Variants in TBL1X observed in about 807,000 individuals in gnomAD.
TBL1X encodes the protein transducin beta like 1 X-linked.
A neutral mutation model predicts 50.7 loss-of-function variants in TBL1X; 10 were observed. The ratio of observed to expected loss-of-function variants is 0.20; its 90% CI spans 0.12 to 0.33. The LOEUF (loss-of-function observed/expected upper bound fraction) is 0.33. TBL1X is among the 10% of genes least tolerant of loss of function. The pLI, the probability that TBL1X is intolerant of heterozygous loss-of-function variation, is 1.00. For synonymous variants in TBL1X, 190 were observed against 214.7 expected, an observed-to-expected ratio of 0.88 and a Z score of 1.01; for missense variants, 340 against 504.4, an observed-to-expected ratio of 0.67 and a Z score of 3.12.
intron 2 of TBL1X, among the ~76,000 whole-genome samples, chrX:9,566,572 A>T (rs983602520): frequency 8.9e-6 from 1 of 112,304 alleles, no homozygotes; most frequent in South Asian, 3.7e-4. Flanking sequence ...AAAAGGGATC[A>T]GGAGGAAACT....
At chrX:9,575,430 A>G (rs5934650) in intron 2 of TBL1X, among the ~76,000 whole-genome samples, 14,365 of 110,850 alleles carry the variant, frequency 0.13, 1,033 homozygotes, top group African/African-American at 0.27. Context: ...GCATTTCCCT[A>G]TTCTGACATT....
intron 2 of TBL1X, among the ~76,000 whole-genome samples, chrX:9,575,559 T>G (rs1280869987): frequency 8.9e-6 from 1 of 112,195 alleles, no homozygotes; most frequent in Non-Finnish European, 1.9e-5. Flanking sequence ...ATAGCCAGAT[T>G]ATACTATCTG....
intron 2 of TBL1X, among the ~76,000 whole-genome samples, chrX:9,546,325 T>C (rs1212240646): frequency 1.8e-5 from 2 of 111,703 alleles, no homozygotes; most frequent in Admixed American, 9.5e-5. Flanking sequence ...CCATCCTGGC[T>C]AACACAGTGA....
chrX:9,643,633 C>T (rs1167127999), intron 3 of TBL1X, among the ~76,000 whole-genome samples: 1 of 111,785 alleles, frequency 8.9e-6, no homozygotes, highest in Non-Finnish European at 1.9e-5. Flanking sequence ...AGGAGGATCA[C>T]TTGAGGCCGG....
At chrX:9,610,948 C>T (rs939392633) in intron 2 of TBL1X, among the ~76,000 whole-genome samples, 9 of 111,871 alleles carry the variant, frequency 8.0e-5, no homozygotes, top group Admixed American at 3.8e-4. Context: ...TGAGCCAAGC[C>T]TTGAATGAAT....
At chrX:9,605,120 G>T (rs2082576542) in intron 2 of TBL1X, among the ~76,000 whole-genome samples, 1 of 110,102 alleles carries the variant, frequency 9.1e-6, no homozygotes, top group Admixed American at 9.6e-5. Flanking sequence ...GGTAACCTGG[G>T]TGTCATGTCA....
chrX:9,646,144 G>C (rs149477416), intron 3 of TBL1X, among the ~76,000 whole-genome samples: 4 of 112,735 alleles, frequency 3.5e-5, no homozygotes, highest in African/African-American at 1.3e-4. Context: ...CTGATAGCTA[G>C]CATACAATCC....
In TBL1X at chrX:9,568,516, G is replaced by A. The variant is rs189408951; in HGVS notation, c.-131+66667G>A. Among the ~76,000 whole-genome samples the A allele has an allele frequency of 4.1e-4, 46 of 110,849 alleles. No homozygotes were observed. In the East Asian group the frequency reaches 6.0e-3, roughly 14 times the overall value. On this transcript the variant is annotated intron_variant, in intron 2 of 17. Coordinates refer to ENST00000645353, the MANE Select transcript of TBL1X (RefSeq NM_005647.4). ...TTTGTGTGTTGTGTCTATCTGCGTG[G>A]TGTACTGTGTGTGTTGTGTCTATCT...
intron 2 of TBL1X, among the ~76,000 whole-genome samples, chrX:9,598,835 A>T (rs1228083826): frequency 9.0e-6 from 1 of 110,882 alleles, no homozygotes; most frequent in Non-Finnish European, 1.9e-5. Flanking sequence ...CTTGGCTTGT[A>T]GCTACATCAC....
At chrX:9,607,511 T>C (rs138796115) in intron 2 of TBL1X, among the ~76,000 whole-genome samples, 1 of 112,847 alleles carries the variant, frequency 8.9e-6, no homozygotes, top group East Asian at 2.8e-4. Flanking sequence ...AGTTCTAGCA[T>C]TGGAGTTGCC....
intron 12 of TBL1X, among the ~76,000 whole-genome samples, chrX:9,701,569 TAAAAAAAAAAA>T (rs63287561): frequency 2.8e-4 from 13 of 47,030 alleles, no homozygotes; most frequent in African/African-American, 7.8e-4. Flanking sequence ...CTTGATGAGC[TAAAAAAAAAAA>T]AAAAAAAAAA....
chrX:9,489,714 A>G (rs1347745458), intron 1 of TBL1X, among the ~76,000 whole-genome samples: 1 of 111,794 alleles, frequency 8.9e-6, no homozygotes, highest in Non-Finnish European at 1.9e-5. Context: ...AACAAGTCCC[A>G]TGGTGAGGTC....
intron 7 of TBL1X, among the ~76,000 whole-genome samples, chrX:9,688,724 A>G (rs1460590191): frequency 8.9e-6 from 1 of 112,788 alleles, no homozygotes; most frequent in Non-Finnish European, 1.9e-5. Flanking sequence ...ACCCCAGGAC[A>G]TCAGTCCCTG....
rs767153229 is a variant in TBL1X, at chrX:9,718,941, T to C, written c.*2695T>C. 2.7e-5 allele frequency: 3 copies of C among 112,162 alleles called. No homozygotes were observed. Among genetic ancestry groups the C allele is most frequent in the Non-Finnish European group, 5.6e-5 (3 of 53,233 alleles). The allele number at this position is 112,162 out of a possible 1,213,427, so 9.2% of individuals were successfully genotyped here. A position where few individuals can be genotyped will look rare whatever the true frequency, so the allele number is the denominator to read the frequency against. On this transcript the variant is annotated 3_prime_UTR_variant, in exon 18 of 18. Transcript: ENST00000645353. Reference sequence around the variant, plus strand: ...CCCCGTTCTCAGCGGGACAACACCATGGACAGCCGTTTTCAGAGCCTCCAG... The same window carrying C: ...CCCCGTTCTCAGCGGGACAACACCACGGACAGCCGTTTTCAGAGCCTCCAG...
chrX:9,512,255 C>G (rs759034868), intron 2 of TBL1X, among the ~76,000 whole-genome samples: 106 of 110,893 alleles, frequency 9.6e-4, no homozygotes, highest in Middle Eastern at 4.6e-3. Flanking sequence ...TGGAAGCTCA[C>G]TGTTTTGGGT....
At chrX:9,693,070 C>G (rs3747431) in intron 9 of TBL1X, 79 bp from the exon 10 acceptor site, 461,949 of 1,066,289 alleles carry the variant, frequency 0.43, 71,485 homozygotes, top group South Asian at 0.52. Flanking sequence ...CCTGGATCCT[C>G]GGAGAGGCTC....
At chrX:9,646,944 C>G in intron 3 of TBL1X, among the ~76,000 whole-genome samples, 1 of 111,914 alleles carries the variant, frequency 8.9e-6, no homozygotes, top group East Asian at 2.8e-4. Flanking sequence ...ACGAACTTGC[C>G]CTTTCTGTCC....
In TBL1X at chrX:9,697,442, T is replaced by A; in HGVS notation, c.1114+13T>A. ...CCTTTTCATTCAGGTGAGTTTTTTG[T>A]TGTTGTTGTTGTTGTTTGTTTTTTT... On this transcript the variant is annotated intron_variant, in intron 12 of 17. Coordinates refer to ENST00000645353, the MANE Select transcript of TBL1X (RefSeq NM_005647.4). 8.3e-7 allele frequency: 1 copy of A among 1,206,551 alleles called. No individual in the cohort carries two copies. The highest frequency in any genetic ancestry group is 1.1e-6 in the Non-Finnish European group (1 of 893,966).
chrX:9,637,080 G>A (rs943897671), intron 2 of TBL1X: 5 of 112,066 alleles, frequency 4.5e-5, no homozygotes, highest in Admixed American at 9.4e-5. Flanking sequence ...TGTCGGTGAG[G>A]CACCAGTTCA....
Sources: allele counts gnomAD v4.1 joint callset (sites outside exome capture counted in the v4.1 genomes callset), GRCh38; gene constraint gnomAD v4.1.1; transcripts MANE v1.5; gene names NCBI Gene and HGNC (gene_info 2026-07-23, HGNC 2026-07-21).